The following CLSTN2 variants were observed in gnomAD, a reference collection of about 807,000 sequenced individuals.
CLSTN2 encodes the protein calsyntenin-2.
A neutral mutation model predicts 101.2 loss-of-function variants in CLSTN2; 48 were observed. The ratio of observed to expected loss-of-function variants is 0.47; its 90% CI spans 0.38 to 0.60. The LOEUF is 0.60. Among genes scored for constraint, CLSTN2 ranks in the 20% least tolerant of loss-of-function variants. The pLI, the probability that CLSTN2 is intolerant of heterozygous loss-of-function variation, is 0.00. For missense variants in CLSTN2, 1,160 were observed against 1,238.2 expected (o/e 0.94, Z 0.95); for synonymous variants, 481 against 463.6 (o/e 1.04, Z -0.48).
intron 2 of CLSTN2, among the ~76,000 whole-genome samples, chr3:140,361,672 TA>T (rs2087731828): frequency 6.6e-6 from 1 of 152,154 alleles, no homozygotes; most frequent in African/African-American, 2.4e-5. Flanking sequence ...GTTATATTAA[TA>T]TTTTTATATT....
chr3:140,189,363 A>G (rs957823354), intron 2 of CLSTN2, among the ~76,000 whole-genome samples: 1 of 152,098 alleles, frequency 6.6e-6, no homozygotes, highest in Non-Finnish European at 1.5e-5. Context: ...TTACTTTCCC[A>G]CCGGCAGTGT....
intron 1 of CLSTN2, among the ~76,000 whole-genome samples, chr3:140,070,783 C>T (rs1410257135): frequency 6.6e-6 from 1 of 152,108 alleles, no homozygotes; most frequent in East Asian, 1.9e-4. Context: ...CAGCCCACTG[C>T]TGTTTTTGTA....
intron 4 of CLSTN2, among the ~76,000 whole-genome samples, chr3:140,416,813 G>T (rs1477226225): frequency 6.6e-6 from 1 of 152,224 alleles, no homozygotes. Flanking sequence ...CCAATTGGCA[G>T]ATTTTCTACT....
intron 7 of CLSTN2, chr3:140,460,955 A>G (rs1218557278): frequency 1.3e-5 from 2 of 152,152 alleles, no homozygotes; most frequent in African/African-American, 4.8e-5. Context: ...GGAGTTGCTA[A>G]TCTCTCTGAG....
intron 2 of CLSTN2, among the ~76,000 whole-genome samples, chr3:140,182,484 C>T (rs1420768282): frequency 6.6e-6 from 1 of 152,166 alleles, no homozygotes; most frequent in African/African-American, 2.4e-5. Context: ...TCCTGCCCCA[C>T]AGCTCTCTGA....
intron 2 of CLSTN2, among the ~76,000 whole-genome samples, chr3:140,382,829 A>G (rs2088001677): frequency 6.6e-6 from 1 of 151,626 alleles, no homozygotes; most frequent in Non-Finnish European, 1.5e-5. Flanking sequence ...CTTAGACCTC[A>G]TTTATAAGGG....
intron 15 of CLSTN2, 92 bp downstream of exon 15, chr3:140,563,295 G>C (rs192685409): frequency 6.9e-7 from 1 of 1,454,014 alleles, no homozygotes; most frequent in African/African-American, 1.4e-5. Context: ...TGTAGCAAAC[G>C]TAGGTGCCCA....
At chr3:140,188,277 A>T (rs1194362180) in intron 2 of CLSTN2, among the ~76,000 whole-genome samples, 1 of 152,210 alleles carries the variant, frequency 6.6e-6, no homozygotes. Context: ...AATCTATTTC[A>T]ATGTCTGCTC....
intron 4 of CLSTN2, among the ~76,000 whole-genome samples, chr3:140,415,688 A>G (rs1159650454): frequency 6.6e-6 from 1 of 152,180 alleles, no homozygotes; most frequent in African/African-American, 2.4e-5. Flanking sequence ...ACTGTCAAAA[A>G]GTCCATGAGG....
At chr3:140,463,477 C>T (rs1933613243) in intron 7 of CLSTN2, among the ~76,000 whole-genome samples, 1 of 152,158 alleles carries the variant, frequency 6.6e-6, no homozygotes, top group African/African-American at 2.4e-5. Flanking sequence ...CAGAAAACCA[C>T]TCAGAAGGAT....
chr3:140,020,182 C>T (rs1420539294), intron 1 of CLSTN2, among the ~76,000 whole-genome samples: 1 of 152,162 alleles, frequency 6.6e-6, no homozygotes, highest in East Asian at 1.9e-4. Context: ...CAGGAGCCTG[C>T]AGACACAAAG....
rs79905814 is a variant in CLSTN2 at position 140,462,931 on chromosome 3, G to A, written c.1222+3162G>A. 1.2e-4 allele frequency: 19 copies of A among 152,348 alleles called. No homozygotes were observed. In the East Asian group the frequency reaches 2.9e-3, roughly 23 times the overall value. 9.4% of individuals were successfully genotyped at this position (152,348 alleles called of 1,614,324 possible). On this transcript the variant is annotated intron_variant, in intron 7 of 16. Coordinates refer to ENST00000458420, the MANE Select transcript of CLSTN2 (RefSeq NM_022131.3). ...TTGACTTCTAATACACATTCCATTT[G>A]CCACAACTTGGTCACATTGCCCCAC...
intron 2 of CLSTN2, among the ~76,000 whole-genome samples, chr3:140,279,820 T>C (rs1296764806): frequency 3.3e-5 from 5 of 152,354 alleles, no homozygotes; most frequent in Non-Finnish European, 7.3e-5. Flanking sequence ...TCCAAGATGA[T>C]GATCAGGGAG....
Position 140,315,651 on chromosome 3 carries a change from G to A in CLSTN2, c.233-87978G>A, listed in dbSNP as rs966671718. Among the ~76,000 whole-genome samples the A allele has an allele frequency of 3.3e-5, 5 of 152,146 alleles. No individual in the cohort carries two copies. In the East Asian group the frequency reaches 7.7e-4, roughly 23 times the overall value. On this transcript the variant is annotated intron_variant, in intron 2 of 16. Transcript: ENST00000458420. ...TTAACTAGTAAAGGAAGATTAAAAG[G>A]TTCAGGTGTCCTAGAGATGCTCCAC...
intron 1 of CLSTN2, among the ~76,000 whole-genome samples, chr3:139,969,995 T>A (rs146230016): frequency 1.3e-5 from 2 of 152,278 alleles, no homozygotes; most frequent in African/African-American, 4.8e-5. Context: ...AAAACTGGGC[T>A]CAATTCACCC....
chr3:140,303,846 T>C (rs567761762), intron 2 of CLSTN2, among the ~76,000 whole-genome samples: 6 of 151,946 alleles, frequency 3.9e-5, no homozygotes, highest in East Asian at 1.9e-4. Flanking sequence ...AATCTCACTT[T>C]GGACTTCCAT....
chr3:140,259,356 C>T (rs949737906), intron 2 of CLSTN2, among the ~76,000 whole-genome samples: 4 of 151,972 alleles, frequency 2.6e-5, no homozygotes, highest in African/African-American at 4.8e-5. Context: ...CACATGTAAT[C>T]CCAGCTACTC....
chr3:140,531,576 G>T (rs947668050), intron 8 of CLSTN2, among the ~76,000 whole-genome samples: 2 of 152,116 alleles, frequency 1.3e-5, no homozygotes, highest in Admixed American at 1.3e-4. Context: ...GGGGGGATTA[G>T]AGGGAGCGTG....
At chr3:140,405,011 A>G (rs1247127925) in intron 4 of CLSTN2, among the ~76,000 whole-genome samples, 1 of 152,192 alleles carries the variant, frequency 6.6e-6, no homozygotes, top group Non-Finnish European at 1.5e-5. Context: ...TGTAGTCTGT[A>G]CAACTCACAG....
Sources: gnomAD v4.1 joint callset for allele counts (sites outside exome capture counted in the v4.1 genomes callset) on GRCh38, gnomAD v4.1.1 for gene constraint, MANE v1.5 for transcripts, NCBI Gene and HGNC (gene_info 2026-07-23, HGNC 2026-07-21) for gene names.